The following NUCB2 variants were observed in gnomAD, a reference collection of about 807,000 sequenced individuals.
NUCB2 encodes the protein nucleobindin 2, also known as nucleobindin-2.
NUCB2 carries 48 observed loss-of-function variants against 57.9 expected under a neutral mutation model. The observed-to-expected ratio is 0.83, with a 90% CI of 0.66 to 1.05. The LOEUF is 1.05. NUCB2 is among the 50% of genes least tolerant of loss of function. The pLI, the probability that NUCB2 is intolerant of heterozygous loss-of-function variation, is 0.00. For missense variants in NUCB2, 442 were observed against 476.2 expected (o/e 0.93, Z 0.67); for synonymous variants, 139 against 152.1 (o/e 0.91, Z 0.64).
chr11:17,290,256 A>G (rs1023970123), intron 2 of NUCB2, among the ~76,000 whole-genome samples: 4 of 152,390 alleles, frequency 2.6e-5, no homozygotes, highest in Admixed American at 2.0e-4. Flanking sequence ...GCCAAATCAT[A>G]GCTTAATGTT....
chr11:17,300,584 T>C (rs2138579589), intron 4 of NUCB2, among the ~76,000 whole-genome samples: 1 of 152,378 alleles, frequency 6.6e-6, no homozygotes, highest in South Asian at 2.1e-4. Context: ...TTCATTCATG[T>C]TGCAGCATGT....
At chr11:17,291,334 G>A (rs370019655) in intron 2 of NUCB2, 2 of 161,708 alleles carry the variant, frequency 1.2e-5, no homozygotes, top group South Asian at 3.3e-4. Context: ...ATCACCTGAG[G>A]TCAGGAGTTC....
intron 2 of NUCB2, among the ~76,000 whole-genome samples, chr11:17,289,874 A>G (rs558205822): frequency 7.2e-5 from 11 of 152,320 alleles, no homozygotes; most frequent in South Asian, 6.2e-4. Flanking sequence ...TCCTTAAACT[A>G]TACTTTGCTG....
chr11:17,318,330 A>G (rs867359686), intron 11 of NUCB2, among the ~76,000 whole-genome samples: 6 of 88,646 alleles, frequency 6.8e-5, no homozygotes, highest in South Asian at 3.3e-4. Context: ...AGTCAGCTTT[A>G]AAAAAAAAAT....
chr11:17,339,473 G>A (rs1344712876), intron 2 of NUCB2, among the ~76,000 whole-genome samples: 3 of 151,240 alleles, frequency 2.0e-5, no homozygotes, highest in African/African-American at 4.9e-5. Context: ...TTAACATTAG[G>A]TATATCTCCT....
In NUCB2 at chr11:17,295,442, T is replaced by C. The variant is rs1351843522; in HGVS notation, c.119T>C (p.Val40Ala). The C allele has an allele frequency of 3.1e-6, 5 of 1,611,916 alleles. No individual in the cohort carries two copies. Among genetic ancestry groups the C allele is most frequent in the Non-Finnish European group, 4.2e-6 (5 of 1,179,386 alleles). ...DKTKVQNIHP[V>A]ESAKIEPPDT... ...ACAAAAGTACAAAATATTCACCCTGTGGAAAGTGCGAAGATAGAACCACCA... is the reference window on the plus strand; with the variant it reads ...ACAAAAGTACAAAATATTCACCCTGCGGAAAGTGCGAAGATAGAACCACCA... The change falls in exon 3 of 14, where the codon GTG becomes GCG. Residue 40 changes from valine to alanine, a missense_variant. By Grantham distance (64) the Val-to-Ala change is moderately conservative. Coordinates refer to ENST00000529010, the MANE Select transcript of NUCB2 (RefSeq NM_005013.4).
intron 8 of NUCB2, 38 bp from the exon 9 acceptor site, chr11:17,311,834 T>TA (rs1394853531): frequency 7.5e-7 from 1 of 1,340,940 alleles, no homozygotes; most frequent in East Asian, 2.3e-5. Flanking sequence ...TCTAAGTTAT[T>TA]AAAATCTATT....
At chr11:17,281,628 A>G (rs1284196719) in intron 1 of NUCB2, among the ~76,000 whole-genome samples, 1 of 151,438 alleles carries the variant, frequency 6.6e-6, no homozygotes, top group East Asian at 1.9e-4. Context: ...TCTAGGTAGG[A>G]AAATCAAGAC....
chr11:17,298,065 G>T (rs1164709401), intron 4 of NUCB2, among the ~76,000 whole-genome samples: 1 of 130,404 alleles, frequency 7.7e-6, no homozygotes, highest in Non-Finnish European at 1.5e-5. Flanking sequence ...CTGGGCAACA[G>T]AGTGAGACTT....
chr11:17,331,045 C>T (rs1277744712), intron 13 of NUCB2, 62 bp downstream of exon 13: 1 of 1,016,066 alleles, frequency 9.8e-7, no homozygotes, highest in South Asian at 1.5e-5. Context: ...TTGAAATCCA[C>T]ATTTATTACA....
chr11:17,288,528 C>CTTT (rs1221248085), intron 2 of NUCB2, among the ~76,000 whole-genome samples: 2 of 133,694 alleles, frequency 1.5e-5, no homozygotes, highest in African/African-American at 6.0e-5. Flanking sequence ...TTTATTTTAT[C>CTTT]TTTTTCTTCT....
intron 2 of NUCB2, among the ~76,000 whole-genome samples, chr11:17,292,636 A>G: frequency 6.6e-6 from 1 of 152,170 alleles, no homozygotes; most frequent in East Asian, 1.9e-4. Context: ...TGAAAAGCCA[A>G]CAAAGGCTTT....
At chr11:17,309,801 G>A in intron 6 of NUCB2, 126 bp downstream of exon 6, 1 of 572,012 alleles carries the variant, frequency 1.7e-6, no homozygotes, top group Non-Finnish European at 3.0e-6. Context: ...AAGGAAGGTA[G>A]CTTAACCCTT....
intron 2 of NUCB2, among the ~76,000 whole-genome samples, chr11:17,338,659 TTTTTA>T (rs1157296257): frequency 1.1e-4 from 16 of 152,172 alleles, no homozygotes; most frequent in African/African-American, 3.9e-4. Flanking sequence ...AGAATTTTTA[TTTTTA>T]TTTTATTTTA....
intron 5 of NUCB2, 22 bp downstream of exon 5, chr11:17,301,892 G>A: frequency 1.9e-6 from 3 of 1,594,862 alleles, no homozygotes; most frequent in Non-Finnish European, 1.7e-6. Flanking sequence ...ACAAAAGGTA[G>A]GATTTTTTTT....
intron 2 of NUCB2, among the ~76,000 whole-genome samples, chr11:17,340,700 T>A (rs1952188037): frequency 6.6e-6 from 1 of 152,208 alleles, no homozygotes; most frequent in Admixed American, 6.5e-5. Context: ...TTCTTTTCCA[T>A]TGGTCTATAT....
chr11:17,341,541 G>C (rs1485433059), intron 2 of NUCB2, among the ~76,000 whole-genome samples: 1 of 151,894 alleles, frequency 6.6e-6, no homozygotes, highest in Non-Finnish European at 1.5e-5. Context: ...GTTGAATTTT[G>C]TCAAAGGCCT....
In NUCB2 at chr11:17,276,833, G is replaced by A. The variant is rs1941412595; in HGVS notation, c.-156+5G>A. On this transcript the variant is annotated splice_donor_5th_base_variant and intron_variant, in intron 1 of 13. Transcript: ENST00000529010. ...CGCTCGCCGAGACCCGGCCAGGTAA[G>A]GCCGGTGGCCGCGCGGTAGGTGCGG... 1 of 152,326 alleles carries A rather than the reference G, an allele frequency of 6.6e-6. No individual in the cohort carries two copies. 9.4% of individuals were successfully genotyped at this position (152,326 alleles called of 1,614,324 possible). A position where few individuals can be genotyped will look rare whatever the true frequency, so the allele number is the denominator to read the frequency against.
At chr11:17,343,310 GA>G (rs1166572835) in intron 2 of NUCB2, among the ~76,000 whole-genome samples, 4 of 151,114 alleles carry the variant, frequency 2.6e-5, no homozygotes, top group Non-Finnish European at 4.4e-5. Flanking sequence ...TGGTGAGAGA[GA>G]AAAAAAAATT....
Sources: allele counts gnomAD v4.1 joint callset (sites outside exome capture counted in the v4.1 genomes callset), GRCh38; gene constraint gnomAD v4.1.1; transcripts MANE v1.5; gene names NCBI Gene and HGNC (gene_info 2026-07-23, HGNC 2026-07-21).